The following OXR1 variants were observed in gnomAD, a reference collection of about 807,000 sequenced individuals.
OXR1 encodes oxidation resistance 1.
OXR1 carries 41 observed loss-of-function variants against 104.6 expected under a neutral mutation model. That is an observed-to-expected ratio of 0.39 (90% CI 0.31 to 0.51). The LOEUF is 0.51. Among genes scored for constraint, OXR1 ranks in the 20% least tolerant of loss-of-function variants. The pLI is 0.77. For missense variants in OXR1, 955 were observed against 1,031.9 expected (o/e 0.93, Z 1.02); for synonymous variants, 348 against 348.4 (o/e 1.00, Z 0.01).
intron 2 of OXR1, among the ~76,000 whole-genome samples, chr8:106,400,549 T>A (rs1356866977): frequency 6.6e-6 from 1 of 152,184 alleles, no homozygotes; most frequent in East Asian, 1.9e-4. Context: ...ATGCTGATAA[T>A]AATATTTTTA....
intron 3 of OXR1, among the ~76,000 whole-genome samples, chr8:106,661,825 A>G (rs1367340335): frequency 6.6e-6 from 1 of 152,184 alleles, no homozygotes; most frequent in Non-Finnish European, 1.5e-5. Context: ...TCAGTCTCAT[A>G]TTCAATTTAT....
At chr8:106,653,014 A>G (rs1387619316) in intron 3 of OXR1, among the ~76,000 whole-genome samples, 1 of 150,890 alleles carries the variant, frequency 6.6e-6, no homozygotes, top group Non-Finnish European at 1.5e-5. Context: ...CTTACATTAA[A>G]TGAACAAATT....
intron 3 of OXR1, among the ~76,000 whole-genome samples, chr8:106,557,186 A>T (rs1816348004): frequency 6.6e-6 from 1 of 152,092 alleles, no homozygotes. Flanking sequence ...TCCTGTTCTA[A>T]TTGAGGAAAT....
intron 1 of OXR1, among the ~76,000 whole-genome samples, chr8:106,348,785 T>C (rs1358480267): frequency 1.3e-5 from 2 of 152,128 alleles, no homozygotes; most frequent in African/African-American, 4.8e-5. Context: ...AGCACTGTGC[T>C]AGGCCTTCAG....
Position 106,470,740 on chromosome 8 carries a change from A to G in OXR1, c.24-48203A>G, listed in dbSNP as rs144822935. On this transcript the variant is annotated intron_variant, in intron 2 of 16. Transcript: ENST00000517566. ...ATCCAACATTAATAGGTCAGGGAGAAGAGGTGGATCTAGCAAAAGAGACTG... is the reference window on the plus strand; with the variant it reads ...ATCCAACATTAATAGGTCAGGGAGAGGAGGTGGATCTAGCAAAAGAGACTG... Among the ~76,000 whole-genome samples, 5 of 151,914 alleles carry G rather than the reference A, an allele frequency of 3.3e-5. No individual in the cohort carries two copies. In the East Asian group the frequency reaches 9.7e-4, roughly 30 times the overall value.
At chr8:106,397,327 G>A (rs1586602424) in intron 2 of OXR1, among the ~76,000 whole-genome samples, 1 of 152,084 alleles carries the variant, frequency 6.6e-6, no homozygotes, top group South Asian at 2.1e-4. Flanking sequence ...CTGAGGAGAG[G>A]AAGGTCACAC....
intron 2 of OXR1, among the ~76,000 whole-genome samples, chr8:106,474,735 A>G (rs1193079408): frequency 1.3e-5 from 2 of 151,904 alleles, no homozygotes; most frequent in African/African-American, 4.8e-5. Flanking sequence ...TTTACTATCT[A>G]TCCCTTTCCA....
chr8:106,459,787 C>G (rs1348385474), intron 2 of OXR1, among the ~76,000 whole-genome samples: 1 of 152,168 alleles, frequency 6.6e-6, no homozygotes, highest in Non-Finnish European at 1.5e-5. Context: ...CCTATTGCAT[C>G]AGCTGCCACA....
chr8:106,621,722 G>A (rs1821720870), intron 3 of OXR1, among the ~76,000 whole-genome samples: 1 of 152,138 alleles, frequency 6.6e-6, no homozygotes, highest in African/African-American at 2.4e-5. Flanking sequence ...AAAGAAGGAA[G>A]TGCCATATTA....
chr8:106,470,810 A>G (rs902906671), intron 2 of OXR1, among the ~76,000 whole-genome samples: 1 of 151,720 alleles, frequency 6.6e-6, no homozygotes, highest in Admixed American at 6.6e-5. Context: ...TGAGTGTGAC[A>G]TCTTAGACAT....
chr8:106,341,222 G>A (rs1465253888), intron 1 of OXR1, among the ~76,000 whole-genome samples: 5 of 151,834 alleles, frequency 3.3e-5, no homozygotes, highest in South Asian at 2.1e-4. Flanking sequence ...CCAAATAAAC[G>A]TGCTCATATA....
intron 3 of OXR1, among the ~76,000 whole-genome samples, chr8:106,557,708 G>T (rs1816387368): frequency 6.6e-6 from 1 of 152,098 alleles, no homozygotes; most frequent in Admixed American, 6.6e-5. Context: ...ACCTAATGAT[G>T]AATTTAGCTA....
intron 3 of OXR1, chr8:106,658,223 C>T: frequency 5.7e-6 from 7 of 1,232,098 alleles, no homozygotes; most frequent in Non-Finnish European, 5.1e-6. Context: ...CGCGGCCGAC[C>T]TGGGCTGAGG....
intron 2 of OXR1, among the ~76,000 whole-genome samples, chr8:106,411,512 C>T (rs1236732737): frequency 1.3e-5 from 2 of 152,138 alleles, no homozygotes; most frequent in African/African-American, 2.4e-5. Context: ...TAAAAGATGC[C>T]TTTTCTCTCA....
At chr8:106,314,936 TAGTG>T (rs1813864244) in intron 1 of OXR1, among the ~76,000 whole-genome samples, 1 of 152,314 alleles carries the variant, frequency 6.6e-6, no homozygotes, top group Admixed American at 6.5e-5. Context: ...CAGTAGTGCT[TAGTG>T]AGTAAGTATC....
chr8:106,534,261 C>G (rs1620490), intron 3 of OXR1, among the ~76,000 whole-genome samples: 1 of 152,088 alleles, frequency 6.6e-6, no homozygotes, highest in African/African-American at 2.4e-5. Context: ...CTTTCATCAT[C>G]GAACAGCACA....
chr8:106,543,782 A>G (rs1815139134), intron 3 of OXR1, among the ~76,000 whole-genome samples: 1 of 152,208 alleles, frequency 6.6e-6, no homozygotes, highest in Non-Finnish European at 1.5e-5. Context: ...GCTAAAGTGA[A>G]TAATTTGTTG....
intron 3 of OXR1, among the ~76,000 whole-genome samples, chr8:106,596,706 A>C (rs1200739214): frequency 1.3e-5 from 2 of 152,038 alleles, no homozygotes; most frequent in African/African-American, 2.4e-5. Flanking sequence ...CACTCCATAG[A>C]GTCAATGGTT....
At chr8:106,749,920 C>G (rs554917031) in intron 16 of OXR1, among the ~76,000 whole-genome samples, 2 of 151,934 alleles carry the variant, frequency 1.3e-5, no homozygotes, top group South Asian at 4.2e-4. Flanking sequence ...CCTGTTATAC[C>G]TAGATTATAT....
Sources: gnomAD v4.1 joint callset for allele counts (sites outside exome capture counted in the v4.1 genomes callset) on GRCh38, gnomAD v4.1.1 for gene constraint, MANE v1.5 for transcripts, NCBI Gene and HGNC (gene_info 2026-07-23, HGNC 2026-07-21) for gene names.